CDC42BPB: variants seen among roughly 807,000 people sequenced by gnomAD.
CDC42BPB encodes the protein CDC42 binding protein kinase beta, also known as serine/threonine-protein kinase MRCK beta.
Under a neutral mutation model 214.9 loss-of-function variants are expected in CDC42BPB, and 37 were observed. The observed-to-expected ratio is 0.17, with a 90% CI of 0.13 to 0.23. The LOEUF (loss-of-function observed/expected upper bound fraction) is 0.23. Ranked by LOEUF, CDC42BPB falls within the 10% of genes least tolerant of loss-of-function variation. CDC42BPB has a pLI of 1.00. For missense variants in CDC42BPB, 1,694 were observed against 2,227.0 expected (o/e 0.76, Z 4.82); for synonymous variants, 931 against 884.0 (o/e 1.05, Z -0.94).
chr14:102,940,059 C>G lies in CDC42BPB; in HGVS notation c.4578G>C (p.Lys1526Asn). 1 of 1,613,990 alleles carries G rather than the reference C, an allele frequency of 6.2e-7. No homozygotes were observed. Among genetic ancestry groups the G allele is most frequent in the Non-Finnish European group, 8.5e-7 (1 of 1,180,032 alleles). Residue 1526 changes from lysine to asparagine, a missense_variant, in exon 32 of 37, where the codon AAG becomes AAC. Lys to Asn is a moderately conservative substitution (Grantham distance 94). Transcript: ENST00000361246. ...AGGAAGGCTCACCCGAGAACTTGCT[C>G]TTGAAGTAGATCAAGCGTGGAGGCT... ...NCEPPRLIYF[K>N]SKFSGAVLNV...
chr14:103,031,991 T>TTA (rs912826087), intron 1 of CDC42BPB, among the ~76,000 whole-genome samples: 1 of 120,886 alleles, frequency 8.3e-6, no homozygotes, highest in Non-Finnish European at 1.6e-5. Flanking sequence ...ATTATTATTA[T>TTA]TTTTTTTTTT....
rs1595186071 is a variant in CDC42BPB, at chr14:103,043,226, AGAGC to A, written c.175+13769_175+13772del. ...GCCACTGCACTCCAGCTTGAGAGAG[AGAGC>A]AAGACTCCATCTGAAAACAAACAAA... On this transcript the variant is annotated intron_variant, in intron 1 of 36. Coordinates refer to ENST00000361246, the MANE Select transcript of CDC42BPB (RefSeq NM_006035.4). Among the ~76,000 whole-genome samples, 5 of 152,062 alleles carry A rather than the reference AGAGC, an allele frequency of 3.3e-5. No individual in the cohort carries two copies. In the South Asian group the frequency reaches 1.0e-3, roughly 32 times the overall value.
intron 1 of CDC42BPB, among the ~76,000 whole-genome samples, chr14:103,021,306 T>C (rs1399617763): frequency 6.6e-6 from 1 of 151,964 alleles, no homozygotes; most frequent in Non-Finnish European, 1.5e-5. Context: ...TAAAAATATT[T>C]TTTAAAAAAA....
At chr14:103,034,731 T>C (rs1449943933) in intron 1 of CDC42BPB, among the ~76,000 whole-genome samples, 1 of 146,190 alleles carries the variant, frequency 6.8e-6, no homozygotes, top group African/African-American at 2.6e-5. Flanking sequence ...GGCAAAAGAA[T>C]CCCCTGAACC....
Position 102,980,799 on chromosome 14 carries a change from C to T in CDC42BPB, c.1114G>A (p.Val372Met), listed in dbSNP as rs1445044341. Residue 372 changes from valine to methionine, a missense_variant, in exon 8 of 37, where the codon GTG becomes ATG. Physicochemically the swap from Val to Met is conservative, Grantham distance 21. Transcript: ENST00000361246. ...SSPSDTSNFD[V>M]DDDVLRNTEI... ...GTGTTTCTCAGCACGTCGTCATCCA[C>T]GTCGAAGTTGGATGTGTCAGAGGGA... The T allele has an allele frequency of 6.2e-7, 1 of 1,614,144 alleles. No homozygotes were observed. Among genetic ancestry groups the T allele is most frequent in the Non-Finnish European group, 8.5e-7 (1 of 1,180,008 alleles).
At chr14:102,959,882 G>C in intron 20 of CDC42BPB, 172 bp from the exon 21 acceptor site, 1 of 957,694 alleles carries the variant, frequency 1.0e-6, no homozygotes, top group Non-Finnish European at 1.2e-6. Flanking sequence ...TTTCCCCAGA[G>C]AGTAACAAGA....
chr14:103,005,888 C>T (rs907223588), intron 3 of CDC42BPB, among the ~76,000 whole-genome samples: 10 of 151,724 alleles, frequency 6.6e-5, no homozygotes, highest in Middle Eastern at 3.4e-3. Flanking sequence ...GGCGTGGTGG[C>T]GGGTGCCTGT....
chr14:102,953,740 C>G (rs1892592284), intron 23 of CDC42BPB, among the ~76,000 whole-genome samples: 1 of 152,234 alleles, frequency 6.6e-6, no homozygotes, highest in Non-Finnish European at 1.5e-5. Context: ...CTCCAGGATG[C>G]ACTTGTGGAA....
chr14:103,017,837 G>A (rs2139660985), intron 1 of CDC42BPB, among the ~76,000 whole-genome samples: 1 of 152,310 alleles, frequency 6.6e-6, no homozygotes, highest in Non-Finnish European at 1.5e-5. Flanking sequence ...ATGCTTCAGT[G>A]GAATCTGAAG....
At chr14:102,948,785 G>A (rs569962649) in intron 26 of CDC42BPB, among the ~76,000 whole-genome samples, 1 of 151,894 alleles carries the variant, frequency 6.6e-6, no homozygotes, top group South Asian at 2.1e-4. Flanking sequence ...TCCCTAAAGA[G>A]TGCTGAGCCC....
chr14:102,954,400 AC>A (rs1892625634), intron 22 of CDC42BPB, 125 bp from the exon 23 acceptor site: 2 of 1,443,526 alleles, frequency 1.4e-6, no homozygotes, highest in Non-Finnish European at 1.8e-6. Flanking sequence ...TTAATTTGCT[AC>A]AATGTTGAGA....
chr14:102,964,041 T>C (rs1325425444), intron 19 of CDC42BPB, among the ~76,000 whole-genome samples: 1 of 152,228 alleles, frequency 6.6e-6, no homozygotes, highest in Non-Finnish European at 1.5e-5. Flanking sequence ...AATGGCGTTC[T>C]CGTTACTGCT....
At chr14:103,055,361 T>A (rs1888886814) in intron 1 of CDC42BPB, among the ~76,000 whole-genome samples, 2 of 152,174 alleles carry the variant, frequency 1.3e-5, no homozygotes, top group Admixed American at 1.3e-4. Flanking sequence ...AGATGGAGGT[T>A]GTAGTGAGCC....
chr14:102,995,516 T>C (rs1329485421), intron 5 of CDC42BPB, among the ~76,000 whole-genome samples: 2 of 152,244 alleles, frequency 1.3e-5, no homozygotes, highest in African/African-American at 4.8e-5. Context: ...GATCTCTGCC[T>C]TTCCGGATAT....
At chr14:102,977,107 C>T (rs565349089) in intron 9 of CDC42BPB, among the ~76,000 whole-genome samples, 9 of 152,000 alleles carry the variant, frequency 5.9e-5, no homozygotes, top group South Asian at 4.2e-4. Flanking sequence ...TTTGGGAGGC[C>T]GAGGCGGGGA....
At position 103,029,858 on chromosome 14, in the gene CDC42BPB, CAAAAAAAAAAAAAAA is replaced by C. The variant is rs11299296; in HGVS notation, c.176-17685_176-17671del. On this transcript the variant is annotated intron_variant, in intron 1 of 36. Transcript: ENST00000361246. ...TAGTGACAGAGGGAGACTCCATCTC[CAAAAAAAAAAAAAAA>C]AAAAAAAAAAGAAATGCTAGATTGG... 1.1e-4 allele frequency among the ~76,000 whole-genome samples: 7 copies of C among 62,358 alleles called. No homozygotes were observed. The East Asian group carries it at 4.1e-3, about 36-fold the overall frequency. 40.9% of individuals were successfully genotyped at this position (62,358 alleles called of 152,430 possible).
intron 1 of CDC42BPB, among the ~76,000 whole-genome samples, chr14:103,021,553 C>T (rs996298275): frequency 1.3e-5 from 2 of 149,562 alleles, no homozygotes; most frequent in African/African-American, 2.5e-5. Context: ...CATGGTGGCG[C>T]GTGCCTGCAG....
chr14:102,962,046 C>CA (rs1392612073), intron 20 of CDC42BPB, among the ~76,000 whole-genome samples: 1 of 152,182 alleles, frequency 6.6e-6, no homozygotes, highest in Non-Finnish European at 1.5e-5. Flanking sequence ...AAAAGTCCCT[C>CA]AAACATATAA....
intron 30 of CDC42BPB, chr14:102,941,473 C>A: frequency 1.0e-6 from 1 of 985,468 alleles, no homozygotes; most frequent in Non-Finnish European, 1.2e-6. Flanking sequence ...CAAACTGTCT[C>A]AGAAGGAGCA....
Sources: gnomAD v4.1 joint callset for allele counts (sites outside exome capture counted in the v4.1 genomes callset) on GRCh38, gnomAD v4.1.1 for gene constraint, MANE v1.5 for transcripts, NCBI Gene and HGNC (gene_info 2026-07-23, HGNC 2026-07-21) for gene names.